Variants in GRM5 observed in about 807,000 individuals in gnomAD.
GRM5 encodes metabotropic glutamate receptor 5.
A neutral mutation model predicts 83.1 loss-of-function variants in GRM5; 19 were observed. The observed-to-expected ratio is 0.23, with a 90% CI of 0.16 to 0.34. The LOEUF is 0.34. GRM5 is among the 10% of genes least tolerant of loss of function. The pLI, the probability that GRM5 is intolerant of heterozygous loss-of-function variation, is 1.00. For missense variants in GRM5, 1,160 were observed against 1,588.3 expected (o/e 0.73, Z 4.58); for synonymous variants, 675 against 633.6 (o/e 1.07, Z -0.98).
intron 4 of GRM5, among the ~76,000 whole-genome samples, chr11:88,638,712 G>A (rs781597209): frequency 9.9e-5 from 15 of 152,114 alleles, no homozygotes; most frequent in Non-Finnish European, 1.5e-4. Context: ...AACATTGGTA[G>A]AATGTTAATT....
chr11:88,937,757 C>A (rs938949882), intron 2 of GRM5, among the ~76,000 whole-genome samples: 6 of 151,562 alleles, frequency 4.0e-5, no homozygotes, highest in African/African-American at 1.5e-4. Flanking sequence ...AAGATGACTG[C>A]AGAATAGAAG....
intron 2 of GRM5, among the ~76,000 whole-genome samples, chr11:88,853,962 C>G (rs1340992821): frequency 2.7e-5 from 4 of 150,834 alleles, no homozygotes; most frequent in Non-Finnish European, 5.9e-5. Flanking sequence ...GGCTACCTTT[C>G]CAGCTAATTT....
At chr11:88,784,614 G>A (rs1215093709) in intron 3 of GRM5, among the ~76,000 whole-genome samples, 5 of 151,994 alleles carry the variant, frequency 3.3e-5, no homozygotes. Context: ...TTCTTCATCG[G>A]TGTATTCTAT....
intron 3 of GRM5, among the ~76,000 whole-genome samples, chr11:88,821,011 A>G (rs1460357539): frequency 6.6e-6 from 1 of 152,190 alleles, no homozygotes; most frequent in Non-Finnish European, 1.5e-5. Flanking sequence ...TCAGAAATAT[A>G]TACAAATGGA....
intron 3 of GRM5, among the ~76,000 whole-genome samples, chr11:88,761,929 A>G (rs1330448251): frequency 6.6e-6 from 1 of 152,044 alleles, no homozygotes. Flanking sequence ...AGAAAGCTGA[A>G]AAAAAGTAAT....
chr11:88,997,846 T>A (rs1303957147), intron 2 of GRM5, among the ~76,000 whole-genome samples: 1 of 152,166 alleles, frequency 6.6e-6, no homozygotes, highest in Non-Finnish European at 1.5e-5. Context: ...CAGGCCAGGA[T>A]GATTTCCCTG....
At chr11:88,725,147 G>C (rs1295204052) in intron 3 of GRM5, among the ~76,000 whole-genome samples, 2 of 152,148 alleles carry the variant, frequency 1.3e-5, no homozygotes, top group African/African-American at 4.8e-5. Flanking sequence ...TAAAATTCTT[G>C]CCACCAGCAC....
intron 4 of GRM5, among the ~76,000 whole-genome samples, chr11:88,627,294 C>T (rs954389824): frequency 1.3e-5 from 2 of 152,174 alleles, no homozygotes; most frequent in Admixed American, 1.3e-4. Flanking sequence ...CATAAACCCA[C>T]CACTCACAAA....
intron 5 of GRM5, among the ~76,000 whole-genome samples, chr11:88,598,117 A>T (rs1937872841): frequency 6.6e-6 from 1 of 152,122 alleles, no homozygotes; most frequent in African/African-American, 2.4e-5. Flanking sequence ...TATCACCATT[A>T]TCTCAGTTTC....
chr11:88,801,987 C>G (rs1943405424), intron 3 of GRM5, among the ~76,000 whole-genome samples: 1 of 152,042 alleles, frequency 6.6e-6, no homozygotes, highest in South Asian at 2.1e-4. Flanking sequence ...CAGGAAACCC[C>G]TTCTCTGCAC....
At chr11:88,934,019 T>C (rs1413716520) in intron 2 of GRM5, among the ~76,000 whole-genome samples, 6 of 151,714 alleles carry the variant, frequency 4.0e-5, no homozygotes, top group Non-Finnish European at 8.9e-5. Context: ...ATCTTGCTGA[T>C]AATTTTCTTT....
At chr11:88,853,252 T>C (rs534058553) in intron 2 of GRM5, among the ~76,000 whole-genome samples, 12 of 152,092 alleles carry the variant, frequency 7.9e-5, no homozygotes, top group Non-Finnish European at 1.5e-4. Flanking sequence ...ACCTTAAGAA[T>C]CCACCTATAG....
At chr11:88,860,367 T>A (rs1944541270) in intron 2 of GRM5, among the ~76,000 whole-genome samples, 2 of 152,152 alleles carry the variant, frequency 1.3e-5, no homozygotes, top group African/African-American at 4.8e-5. Flanking sequence ...GCATGTCTCA[T>A]TAAAAGTAAT....
At chr11:88,665,857 A>G (rs1254754873) in intron 3 of GRM5, among the ~76,000 whole-genome samples, 1 of 270 alleles carries the variant, frequency 3.7e-3, no homozygotes, top group East Asian at 0.038. Context: ...GATCCAGGAG[A>G]AAAAAAAAAA....
At chr11:88,684,806 C>T (rs997884667) in intron 3 of GRM5, among the ~76,000 whole-genome samples, 2 of 152,194 alleles carry the variant, frequency 1.3e-5, no homozygotes, top group African/African-American at 2.4e-5. Flanking sequence ...TTTGTATCTG[C>T]CTCATTTTTT....
At chr11:88,922,248 G>A (rs1358932012) in intron 2 of GRM5, among the ~76,000 whole-genome samples, 1 of 152,046 alleles carries the variant, frequency 6.6e-6, no homozygotes, top group African/African-American at 2.4e-5. Context: ...AAATTTATGT[G>A]GAACCACAAA....
At chr11:88,889,934 G>T (rs7112139) in intron 2 of GRM5, among the ~76,000 whole-genome samples, 3,132 of 152,218 alleles carry the variant, frequency 0.021, 99 homozygotes, top group African/African-American at 0.07. Context: ...TAAATTAAAG[G>T]TTCTGTTCAG....
At position 88,788,006 on chromosome 11, in the gene GRM5, G is replaced by A. The variant is rs150740007; in HGVS notation, c.911+61900C>T. On this transcript the variant is annotated intron_variant, in intron 3 of 9. Transcript: ENST00000305447. ...CAAGGGAAGATATTTTACTGTATTC[G>A]TCCCTAGGTCAGCAGTTGGCAAAAT... Among the ~76,000 whole-genome samples, 20 of 152,100 alleles carry A rather than the reference G, an allele frequency of 1.3e-4. No individual in the cohort carries two copies. In the South Asian group the frequency reaches 1.9e-3, roughly 14 times the overall value.
chr11:88,988,597 G>C (rs1289625274), intron 2 of GRM5, among the ~76,000 whole-genome samples: 15 of 150,576 alleles, frequency 1.0e-4, no homozygotes, highest in Admixed American at 9.9e-4. Context: ...AAAATGTTAA[G>C]GGCAGCCAGA....
Sources: gnomAD v4.1 joint callset for allele counts (sites outside exome capture counted in the v4.1 genomes callset) on GRCh38, gnomAD v4.1.1 for gene constraint, MANE v1.5 for transcripts, NCBI Gene and HGNC (gene_info 2026-07-23, HGNC 2026-07-21) for gene names.